WWOX: variants seen among roughly 807,000 people sequenced by gnomAD.
WWOX encodes WW domain containing oxidoreductase, also known as WW domain-containing oxidoreductase.
A neutral mutation model predicts 46.2 loss-of-function variants in WWOX; 69 were observed. That is an observed-to-expected ratio of 1.49 (90% CI 1.23 to 1.82). The LOEUF (loss-of-function observed/expected upper bound fraction) is 1.82. WWOX is among the 40% of genes most tolerant of loss of function. WWOX has a pLI of 0.00. For missense variants in WWOX, 919 were observed against 542.6 expected, an observed-to-expected ratio of 1.69 and a Z score of -6.89; for synonymous variants, 359 against 202.6, an observed-to-expected ratio of 1.77 and a Z score of -6.56.
intron 1 of WWOX, among the ~76,000 whole-genome samples, chr16:78,107,287 G>A (rs2032206615): frequency 6.6e-6 from 1 of 152,302 alleles, no homozygotes; most frequent in South Asian, 2.1e-4. Context: ...GGTGACACGT[G>A]TTTCTAGTTA....
At chr16:78,465,440 G>A (rs924668697) in intron 8 of WWOX, among the ~76,000 whole-genome samples, 4 of 152,142 alleles carry the variant, frequency 2.6e-5, no homozygotes, top group African/African-American at 7.2e-5. Flanking sequence ...TCGGCCTCCC[G>A]AAGTGCTGGG....
chr16:78,364,108 T>C (rs1006905638), intron 5 of WWOX, among the ~76,000 whole-genome samples: 4 of 152,234 alleles, frequency 2.6e-5, no homozygotes, highest in African/African-American at 9.6e-5. Context: ...TTGCCCTTCC[T>C]GGCCTGTGGA....
chr16:78,508,237 C>T (rs936908731), intron 8 of WWOX, among the ~76,000 whole-genome samples: 2 of 150,628 alleles, frequency 1.3e-5, no homozygotes, highest in African/African-American at 2.5e-5. Context: ...TCTTGAACTC[C>T]TGATCTCAGG....
intron 8 of WWOX, among the ~76,000 whole-genome samples, chr16:78,613,587 C>T (rs2045950637): frequency 6.6e-6 from 1 of 152,122 alleles, no homozygotes; most frequent in Non-Finnish European, 1.5e-5. Context: ...TCCACTGGTT[C>T]AACACACCTG....
chr16:78,674,656 T>A (rs1024146650), intron 8 of WWOX, among the ~76,000 whole-genome samples: 2 of 152,110 alleles, frequency 1.3e-5, no homozygotes, highest in Non-Finnish European at 2.9e-5. Flanking sequence ...CCTGCCTTTA[T>A]CTCCTGCCCC....
At chr16:78,883,617 A>G (rs1024894121) in intron 8 of WWOX, among the ~76,000 whole-genome samples, 1 of 152,018 alleles carries the variant, frequency 6.6e-6, no homozygotes, top group Non-Finnish European at 1.5e-5. Context: ...CCAGCTACTC[A>G]GGAGGCTGAA....
At chr16:78,809,077 C>G (rs952985300) in intron 8 of WWOX, among the ~76,000 whole-genome samples, 2 of 152,060 alleles carry the variant, frequency 1.3e-5, no homozygotes, top group Non-Finnish European at 2.9e-5. Flanking sequence ...CCGAGAAACA[C>G]TGAGGACACA....
At chr16:78,258,981 G>T (rs191474554) in intron 5 of WWOX, among the ~76,000 whole-genome samples, 6 of 152,290 alleles carry the variant, frequency 3.9e-5, no homozygotes, top group Admixed American at 3.9e-4. Context: ...TGGAAACAGA[G>T]AACTTCTCAT....
chr16:78,581,336 T>C (rs2151589076), intron 8 of WWOX, among the ~76,000 whole-genome samples: 1 of 152,322 alleles, frequency 6.6e-6, no homozygotes, highest in East Asian at 1.9e-4. Context: ...TGGGTTAGCA[T>C]AATTCAAAAT....
chr16:78,758,050 C>T (rs2049699634), intron 8 of WWOX, among the ~76,000 whole-genome samples: 1 of 151,950 alleles, frequency 6.6e-6, no homozygotes, highest in Admixed American at 6.6e-5. Context: ...CACAATGTGC[C>T]CCTATTATTA....
chr16:79,054,802 G>C (rs1016957555), intron 8 of WWOX, among the ~76,000 whole-genome samples: 1 of 152,160 alleles, frequency 6.6e-6, no homozygotes, highest in Non-Finnish European at 1.5e-5. Flanking sequence ...CTCCAGCCTG[G>C]ATGAAAGAGT....
chr16:78,564,701 T>C (rs1227266134), intron 8 of WWOX, among the ~76,000 whole-genome samples: 3 of 152,238 alleles, frequency 2.0e-5, no homozygotes, highest in Non-Finnish European at 2.9e-5. Flanking sequence ...GGCACCCTTC[T>C]TCCTGGCTCC....
chr16:78,418,190 C>G (rs112413810), intron 6 of WWOX, among the ~76,000 whole-genome samples: 1 of 151,986 alleles, frequency 6.6e-6, no homozygotes, highest in East Asian at 1.9e-4. Flanking sequence ...GAAACCCCGT[C>G]TCTACTAAAA....
chr16:78,423,004 G>C (rs2082988812), intron 6 of WWOX, among the ~76,000 whole-genome samples: 1 of 151,312 alleles, frequency 6.6e-6, no homozygotes, highest in African/African-American at 2.4e-5. Context: ...TCCTGCCTTA[G>C]CCTCCCAAGT....
At chr16:78,412,213 T>C (rs899959481) in intron 6 of WWOX, among the ~76,000 whole-genome samples, 24 of 152,280 alleles carry the variant, frequency 1.6e-4, no homozygotes, top group Non-Finnish European at 3.4e-4. Flanking sequence ...CACATTGTTT[T>C]CCTAAGTATT....
rs543221832 is a variant in WWOX at position 78,491,695 on chromosome 16, T to C, written c.1056+58943T>C. On this transcript the variant is annotated intron_variant, in intron 8 of 8. Transcript: ENST00000566780. The stretch of plus-strand genomic sequence containing the variant: ...TGTACCTGTGGGAGTGATTACAGAA[T>C]CCCATCAAAATGGGAATCACTGACT... Among the ~76,000 whole-genome samples the C allele has an allele frequency of 9.2e-5, 14 of 152,242 alleles. No individual in the cohort carries two copies. In the South Asian group the frequency reaches 2.9e-3, roughly 32 times the overall value.
intron 5 of WWOX, among the ~76,000 whole-genome samples, chr16:78,194,750 C>G (rs2035994871): frequency 6.6e-6 from 1 of 151,938 alleles, no homozygotes; most frequent in African/African-American, 2.4e-5. Context: ...AACTCTTCTA[C>G]TCCTTTGGAT....
intron 8 of WWOX, among the ~76,000 whole-genome samples, chr16:78,598,015 A>G (rs2045531617): frequency 2.0e-5 from 3 of 152,152 alleles, no homozygotes; most frequent in African/African-American, 4.8e-5. Context: ...AGAATATGAT[A>G]AAGTATTCCT....
At chr16:78,773,520 C>A (rs2050117456) in intron 8 of WWOX, among the ~76,000 whole-genome samples, 2 of 152,168 alleles carry the variant, frequency 1.3e-5, no homozygotes, top group African/African-American at 4.8e-5. Flanking sequence ...TTGGAGGATG[C>A]TGTGTTGATG....
Sources: allele counts gnomAD v4.1 joint callset (sites outside exome capture counted in the v4.1 genomes callset), GRCh38; gene constraint gnomAD v4.1.1; transcripts MANE v1.5; gene names NCBI Gene and HGNC (gene_info 2026-07-23, HGNC 2026-07-21).